DPP6: variants seen among roughly 807,000 people sequenced by gnomAD.
DPP6 encodes dipeptidyl peptidase like 6, also known as A-type potassium channel modulatory protein DPP6.
A neutral mutation model predicts 122.6 loss-of-function variants in DPP6; 69 were observed. The ratio of observed to expected loss-of-function variants is 0.56; its 90% CI spans 0.46 to 0.69. DPP6 has a LOEUF of 0.69. Among genes scored for constraint, DPP6 ranks in the 30% least tolerant of loss-of-function variants. The pLI is 0.00. For synonymous variants in DPP6, 418 were observed against 433.1 expected, an observed-to-expected ratio of 0.97 and a Z score of 0.43; for missense variants, 928 against 1,116.9, an observed-to-expected ratio of 0.83 and a Z score of 2.41.
chr7:153,761,546 G>T, the DPP6 span, among the ~76,000 whole-genome samples: 1 of 151,964 alleles, frequency 6.6e-6, no homozygotes, highest in East Asian at 1.9e-4. Context: ...ATTTCATCTT[G>T]CAACAGCCAC....
intron 1 of DPP6, among the ~76,000 whole-genome samples, chr7:154,253,374 C>T (rs930819227): frequency 6.6e-6 from 1 of 152,160 alleles, no homozygotes; most frequent in African/African-American, 2.4e-5. Context: ...GGACAGTCTT[C>T]CCTACCTGCA....
chr7:154,411,240 A>G (rs1816571460), intron 1 of DPP6, among the ~76,000 whole-genome samples: 1 of 152,130 alleles, frequency 6.6e-6, no homozygotes, highest in Non-Finnish European at 1.5e-5. Context: ...CAATTGTTAA[A>G]AATTATAGTC....
intron 12 of DPP6, among the ~76,000 whole-genome samples, chr7:154,796,957 C>G (rs1798084006): frequency 6.6e-6 from 1 of 152,168 alleles, no homozygotes; most frequent in Admixed American, 6.5e-5. Flanking sequence ...ATTTGGGTGC[C>G]AAGTCCAAGC....
At chr7:154,240,874 C>A (rs1801548367) in intron 1 of DPP6, among the ~76,000 whole-genome samples, 1 of 152,078 alleles carries the variant, frequency 6.6e-6, no homozygotes, top group African/African-American at 2.4e-5. Flanking sequence ...GAGGTTTGAC[C>A]ACTTGATTCA....
At chr7:154,091,645 C>T (rs1804854435) in intron 1 of DPP6, among the ~76,000 whole-genome samples, 1 of 151,520 alleles carries the variant, frequency 6.6e-6, no homozygotes, top group South Asian at 2.1e-4. Flanking sequence ...AGGCAAGGGT[C>T]CCTAAGAGAA....
At chr7:153,836,123 A>G in the DPP6 span, among the ~76,000 whole-genome samples, 1 of 152,206 alleles carries the variant, frequency 6.6e-6, no homozygotes, top group South Asian at 2.1e-4. Context: ...TTTTGTTGTA[A>G]CATGAACATT....
intron 1 of DPP6, among the ~76,000 whole-genome samples, chr7:154,382,127 T>C (rs1813675875): frequency 6.6e-6 from 1 of 151,084 alleles, no homozygotes. Flanking sequence ...GGGCTCAAAT[T>C]TGAAGTGAGC....
intron 1 of DPP6, among the ~76,000 whole-genome samples, chr7:154,383,016 T>C (rs1813766247): frequency 1.3e-5 from 2 of 152,240 alleles, no homozygotes; most frequent in Non-Finnish European, 1.5e-5. Flanking sequence ...CTTGAGCCAC[T>C]GTGCCTGGCC....
intron 1 of DPP6, among the ~76,000 whole-genome samples, chr7:154,270,977 ATTAAG>A (rs1418595008): frequency 3.3e-5 from 5 of 152,272 alleles, no homozygotes; most frequent in East Asian, 1.9e-4. Context: ...AAGGTTGTTT[ATTAAG>A]TTAAGTGACA....
In DPP6 at chr7:154,150,377, G is replaced by A. The variant is rs555786923; in HGVS notation, c.243+97314G>A. On this transcript the variant is annotated intron_variant, in intron 1 of 25. Coordinates refer to ENST00000377770, the MANE Select transcript of DPP6 (RefSeq NM_130797.4). ...CAATCCTGGGAGCACAGGGGTACTCGCCTGCCAACCTGCTGACCTCTGGGA... is the reference window on the plus strand; with the variant it reads ...CAATCCTGGGAGCACAGGGGTACTCACCTGCCAACCTGCTGACCTCTGGGA... Among the ~76,000 whole-genome samples the A allele has an allele frequency of 3.3e-5, 5 of 152,268 alleles. 1 individual carries two copies. The highest frequency in any genetic ancestry group is 9.6e-5 in the African/African-American group (4 of 41,550).
the DPP6 span, among the ~76,000 whole-genome samples, chr7:153,856,246 G>A: frequency 3.3e-5 from 5 of 152,140 alleles, no homozygotes; most frequent in South Asian, 2.1e-4. Flanking sequence ...CTAGGGGTAC[G>A]GTTGAGGATG....
chr7:154,825,878 A>C lies in DPP6; in HGVS notation c.1666+18766A>C, dbSNP rs181673323. Among the ~76,000 whole-genome samples, 3 of 152,344 alleles carry C rather than the reference A, an allele frequency of 2.0e-5. No homozygotes were observed. In the East Asian group the frequency reaches 5.8e-4, roughly 29 times the overall value. ...ATCAGGGTCACACATTTATTCTCAC[A>C]AGGCCTGTTGGTTTCATGAGCACCA... On this transcript the variant is annotated intron_variant, in intron 16 of 25. Coordinates refer to ENST00000377770, the MANE Select transcript of DPP6 (RefSeq NM_130797.4).
At chr7:154,876,216 A>G (rs528412521) in intron 20 of DPP6, 116 bp downstream of exon 20, 22 of 1,361,126 alleles carry the variant, frequency 1.6e-5, no homozygotes, top group Admixed American at 9.9e-5. Context: ...TTTTCATGCA[A>G]TTTGCTCTTA....
intron 1 of DPP6, among the ~76,000 whole-genome samples, chr7:154,287,423 T>C (rs1804928388): frequency 6.6e-6 from 1 of 152,210 alleles, no homozygotes. Context: ...TCCTGCTCAG[T>C]GCAAAGCATC....
chr7:153,774,793 C>A, the DPP6 span, among the ~76,000 whole-genome samples: 4 of 152,056 alleles, frequency 2.6e-5, no homozygotes, highest in African/African-American at 4.8e-5. Context: ...AGCAAGACGT[C>A]GTTTCTATGA....
intron 1 of DPP6, among the ~76,000 whole-genome samples, chr7:154,444,338 G>A (rs183114625): frequency 1.4e-4 from 22 of 152,064 alleles, no homozygotes; most frequent in East Asian, 1.2e-3. Flanking sequence ...GATTGTGGGC[G>A]CCTGTGGTCC....
At chr7:154,130,156 T>C (rs536075322) in intron 1 of DPP6, among the ~76,000 whole-genome samples, 1 of 151,234 alleles carries the variant, frequency 6.6e-6, no homozygotes, top group East Asian at 1.9e-4. Flanking sequence ...AAAGAGGACA[T>C]GGAAGCTTAA....
At chr7:154,421,599 C>T (rs143355163) in intron 1 of DPP6, among the ~76,000 whole-genome samples, 58 of 152,260 alleles carry the variant, frequency 3.8e-4, no homozygotes, top group African/African-American at 1.2e-3. Context: ...GCTGGGATTA[C>T]GGGCATGAGC....
chr7:154,758,897 C>T (rs1437343404), intron 8 of DPP6, among the ~76,000 whole-genome samples: 1 of 152,218 alleles, frequency 6.6e-6, no homozygotes, highest in Admixed American at 6.5e-5. Flanking sequence ...GTCCCACCGC[C>T]TGTTTGCGTC....
Sources: gnomAD v4.1 joint callset for allele counts (sites outside exome capture counted in the v4.1 genomes callset) on GRCh38, gnomAD v4.1.1 for gene constraint, MANE v1.5 for transcripts, NCBI Gene and HGNC (gene_info 2026-07-23, HGNC 2026-07-21) for gene names.